Variants in FNIP2 observed in about 807,000 individuals in gnomAD.
FNIP2 encodes folliculin-interacting protein 2.
FNIP2 carries 32 observed loss-of-function variants against 108.7 expected under a neutral mutation model. The observed-to-expected ratio is 0.29, with a 90% CI of 0.22 to 0.40. The LOEUF is 0.40. Among genes scored for constraint, FNIP2 ranks in the 10% least tolerant of loss-of-function variants. The probability of loss-of-function intolerance (pLI) is 1.00; values close to 1 mark genes in which losing one functional copy is unlikely to be tolerated. For synonymous variants in FNIP2, 480 were observed against 496.7 expected (o/e 0.97, Z 0.45); for missense variants, 1,202 against 1,381.6 (o/e 0.87, Z 2.06).
chr4:158,848,112 G>T (rs543182633), intron 7 of FNIP2, among the ~76,000 whole-genome samples: 1 of 152,308 alleles, frequency 6.6e-6, no homozygotes, highest in Admixed American at 6.5e-5. Context: ...ACAACCTGCT[G>T]ATTTTAGAGC....
chr4:158,840,576 A>T (rs572248764), intron 7 of FNIP2, among the ~76,000 whole-genome samples: 1 of 152,094 alleles, frequency 6.6e-6, no homozygotes, highest in African/African-American at 2.4e-5. Context: ...TTGTATTTTC[A>T]GTAGAAACGG....
At chr4:158,833,832 G>A (rs770149140) in intron 6 of FNIP2, 2 of 1,505,000 alleles carry the variant, frequency 1.3e-6, no homozygotes, top group Non-Finnish European at 1.8e-6. Context: ...GCAAACTGCT[G>A]CAGGGGGTAG....
intron 14 of FNIP2, among the ~76,000 whole-genome samples, chr4:158,879,927 A>C (rs932039055): frequency 8.6e-5 from 13 of 150,474 alleles, no homozygotes; most frequent in South Asian, 6.4e-4. Flanking sequence ...GGCAATAATT[A>C]AAAAGTCAGG....
chr4:158,785,349 G>T (rs954142931), intron 1 of FNIP2, among the ~76,000 whole-genome samples: 1 of 152,092 alleles, frequency 6.6e-6, no homozygotes, highest in African/African-American at 2.4e-5. Context: ...CTCCCAAGGT[G>T]CTGGGATTAC....
chr4:158,783,510 G>T (rs1056185107), intron 1 of FNIP2, among the ~76,000 whole-genome samples: 2 of 152,184 alleles, frequency 1.3e-5, no homozygotes. Context: ...TTACCTGTCT[G>T]TTCTGAAGAC....
chr4:158,896,073 G>A (rs147211971), intron 16 of FNIP2, among the ~76,000 whole-genome samples: 19 of 152,190 alleles, frequency 1.2e-4, no homozygotes, highest in African/African-American at 4.1e-4. Context: ...ACAATCAATC[G>A]CAGGACTTTA....
intron 8 of FNIP2, among the ~76,000 whole-genome samples, chr4:158,858,217 A>G (rs1266039508): frequency 1.3e-5 from 2 of 152,176 alleles, no homozygotes; most frequent in Admixed American, 6.5e-5. Context: ...ATGGAGTTAG[A>G]AAGAGAAAAT....
chr4:158,905,414 A>G lies in FNIP2; in HGVS notation c.*870A>G, dbSNP rs1301319851. ...AAGCTCAAGAGTGTTTCGGTTGGTA[A>G]GTTCTTCCAGCTGAAGCCACTTTTT... On this transcript the variant is annotated 3_prime_UTR_variant, in exon 17 of 17. Transcript: ENST00000264433. The G allele has an allele frequency of 6.6e-6, 1 of 152,198 alleles. No homozygotes were observed. The highest frequency in any genetic ancestry group is 1.5e-5 in the Non-Finnish European group (1 of 68,034). 9.4% of individuals were successfully genotyped at this position (152,198 alleles called of 1,614,324 possible).
In FNIP2 at chr4:158,906,782, T is replaced by C. The variant is rs1382465380; in HGVS notation, c.*2238T>C. The C allele has an allele frequency of 3.3e-5, 5 of 151,964 alleles. No individual in the cohort carries two copies. Among genetic ancestry groups the C allele is most frequent in the Admixed American group, 1.3e-4 (2 of 15,258 alleles). The allele number at this position is 151,964 out of a possible 1,614,324, so 9.4% of individuals were successfully genotyped here. A position where few individuals can be genotyped will look rare whatever the true frequency, so the allele number is the denominator to read the frequency against. On this transcript the variant is annotated 3_prime_UTR_variant, in exon 17 of 17. Coordinates refer to ENST00000264433, the MANE Select transcript of FNIP2 (RefSeq NM_020840.3). ...CATTCAAGTTTTCTTTGTCTTAAATTCAGCCTCTTCCTAAAAGCAAAAAAG... is the reference window on the plus strand; with the variant it reads ...CATTCAAGTTTTCTTTGTCTTAAATCCAGCCTCTTCCTAAAAGCAAAAAAG...
chr4:158,861,822 G>A (rs984016701), intron 12 of FNIP2, 46 bp downstream of exon 12: 3 of 1,591,330 alleles, frequency 1.9e-6, no homozygotes, highest in Non-Finnish European at 1.7e-6. Flanking sequence ...GGATGGAATA[G>A]GAAAAAAATG....
intron 1 of FNIP2, among the ~76,000 whole-genome samples, chr4:158,782,373 G>A (rs1776079981): frequency 6.6e-6 from 1 of 151,776 alleles, no homozygotes; most frequent in African/African-American, 2.4e-5. Flanking sequence ...TATCTTCAAA[G>A]GGAAAAAACA....
intron 1 of FNIP2, among the ~76,000 whole-genome samples, chr4:158,799,863 TG>T: frequency 6.6e-6 from 1 of 152,310 alleles, no homozygotes; most frequent in African/African-American, 2.4e-5. Flanking sequence ...GGTTGTAGAT[TG>T]AGTTCTGATA....
chr4:158,859,696 A>AGG (rs1560807616), intron 10 of FNIP2, 30 bp downstream of exon 10: 1 of 1,565,952 alleles, frequency 6.4e-7, no homozygotes, highest in Admixed American at 1.7e-5. Context: ...CAAATCCAAC[A>AGG]GGAGATGTTT....
intron 1 of FNIP2, among the ~76,000 whole-genome samples, chr4:158,816,535 C>T (rs946872296): frequency 2.1e-4 from 32 of 152,162 alleles, no homozygotes; most frequent in Non-Finnish European, 1.0e-4. Flanking sequence ...GTAATCTCAA[C>T]ACTTTGGGAG....
intron 1 of FNIP2, among the ~76,000 whole-genome samples, chr4:158,811,360 G>A (rs976518641): frequency 1.3e-5 from 2 of 152,074 alleles, no homozygotes; most frequent in Non-Finnish European, 2.9e-5. Context: ...ACTTAGTTAA[G>A]CTATTTTCCC....
At chr4:158,895,689 C>T (rs1158733494) in intron 15 of FNIP2, 61 bp from the exon 16 acceptor site, 7 of 1,044,026 alleles carry the variant, frequency 6.7e-6, no homozygotes, top group Non-Finnish European at 1.0e-5. Flanking sequence ...AATTCTGACT[C>T]TTAAAATATT....
At chr4:158,824,339 T>C (rs1230226760) in intron 1 of FNIP2, among the ~76,000 whole-genome samples, 1 of 152,198 alleles carries the variant, frequency 6.6e-6, no homozygotes, top group Non-Finnish European at 1.5e-5. Context: ...TCTTATTTCA[T>C]TTATATCATC....
Position 158,868,706 on chromosome 4 carries a change from G to T in FNIP2, c.2070G>T (p.Met690Ile), listed in dbSNP as rs754947611. Residue 690 changes from methionine to isoleucine, a missense_variant, in exon 13 of 17, where the codon ATG (methionine) becomes ATT (isoleucine). Physicochemically the swap from Met to Ile is conservative, Grantham distance 10. This residue lies in a region of FNIP2 where 878 missense variants were observed against 990.3 expected (regional missense o/e 0.89). Transcript: ENST00000264433. This position sits in a 1 kb window ranked among gnomAD's most constrained non-coding sequence, Gnocchi z 4.6. ...QAVCELLKVEMPTRLPDRSVA... is the reference protein window; with the variant it reads ...QAVCELLKVEIPTRLPDRSVA... Reference sequence around the variant, plus strand: ...TCTGTGAGCTGTTGAAAGTGGAGATGCCTACAAGACTGCCAGACCGGTCAG... The same window carrying T: ...TCTGTGAGCTGTTGAAAGTGGAGATTCCTACAAGACTGCCAGACCGGTCAG... 2 of 1,614,024 alleles carry T rather than the reference G, an allele frequency of 1.2e-6. No individual in the cohort carries two copies. The highest frequency in any genetic ancestry group is 1.7e-6 in the Non-Finnish European group (2 of 1,179,904).
chr4:158,875,506 CCTGGCTGTGATAT>C (rs1326625344), intron 14 of FNIP2, among the ~76,000 whole-genome samples: 1 of 60,632 alleles, frequency 1.6e-5, no homozygotes, highest in Non-Finnish European at 2.8e-5. Context: ...TTGCTAAAAG[CCTGGCTGTGATAT>C]ATATATATAT....
Sources: gnomAD v4.1 joint callset for allele counts (sites outside exome capture counted in the v4.1 genomes callset) on GRCh38, gnomAD v4.1.1 for gene constraint, gnomAD v4.1.1 regional missense constraint, Gnocchi (gnomAD v3.1) non-coding constraint, MANE v1.5 for transcripts, NCBI Gene and HGNC (gene_info 2026-07-23, HGNC 2026-07-21) for gene names.